XPR1: variants seen among roughly 807,000 people sequenced by gnomAD.
XPR1 encodes solute carrier family 53 member 1.
In XPR1, 28 loss-of-function variants were observed where a neutral mutation model predicts 87.5. The ratio of observed to expected loss-of-function variants is 0.32; its 90% CI spans 0.24 to 0.44. The LOEUF is 0.44. Among genes scored for constraint, XPR1 ranks in the 20% least tolerant of loss-of-function variants. The pLI, the probability that XPR1 is intolerant of heterozygous loss-of-function variation, is 1.00. For synonymous variants in XPR1, 300 were observed against 306.1 expected (o/e 0.98, Z 0.21); for missense variants, 559 against 862.3 (o/e 0.65, Z 4.41).
At chr1:180,776,442 G>C (rs766730668) in intron 2 of XPR1, among the ~76,000 whole-genome samples, 21 of 151,584 alleles carry the variant, frequency 1.4e-4, no homozygotes, top group Admixed American at 2.6e-4. Flanking sequence ...CAATTGGATT[G>C]TATAATGGAA....
intron 2 of XPR1, among the ~76,000 whole-genome samples, chr1:180,745,647 A>G (rs1659067446): frequency 6.6e-6 from 1 of 152,072 alleles, no homozygotes; most frequent in African/African-American, 2.4e-5. Context: ...TCTCCTCAAG[A>G]CAGATTTAGA....
At chr1:180,736,407 A>G (rs1458718407) in intron 2 of XPR1, among the ~76,000 whole-genome samples, 2 of 152,226 alleles carry the variant, frequency 1.3e-5, no homozygotes, top group Non-Finnish European at 2.9e-5. Flanking sequence ...AAACCTTCAT[A>G]GATGCACATT....
chr1:180,788,560 T>C (rs2944263), intron 3 of XPR1, among the ~76,000 whole-genome samples: 151,545 of 152,246 alleles, frequency 1, 75,434 homozygotes, highest in Middle Eastern at 1. Context: ...ACTCTGGAAA[T>C]GTTACACATA....
At chr1:180,697,013 G>A (rs1190209819) in intron 2 of XPR1, among the ~76,000 whole-genome samples, 1 of 152,024 alleles carries the variant, frequency 6.6e-6, no homozygotes. Context: ...GTTAGGAAGA[G>A]TTTTCTCCTC....
At chr1:180,754,023 C>T (rs902609882) in intron 2 of XPR1, among the ~76,000 whole-genome samples, 1 of 152,190 alleles carries the variant, frequency 6.6e-6, no homozygotes, top group African/African-American at 2.4e-5. Context: ...GGTCAAATGC[C>T]ACCTTCTCCA....
intron 2 of XPR1, among the ~76,000 whole-genome samples, chr1:180,707,334 C>G (rs1479438895): frequency 1.3e-5 from 2 of 152,226 alleles, no homozygotes; most frequent in Non-Finnish European, 2.9e-5. Flanking sequence ...GATCCTCTCC[C>G]TCCTACCCTC....
At chr1:180,638,064 T>C (rs1180393776) in intron 1 of XPR1, among the ~76,000 whole-genome samples, 6 of 152,196 alleles carry the variant, frequency 3.9e-5, no homozygotes, top group African/African-American at 1.2e-4. Context: ...GTTTTATTTA[T>C]TTAAAAAACT....
At chr1:180,657,395 GT>G (rs939283238) in intron 1 of XPR1, among the ~76,000 whole-genome samples, 4 of 152,082 alleles carry the variant, frequency 2.6e-5, no homozygotes, top group African/African-American at 9.7e-5. Flanking sequence ...TTTCCTCAGT[GT>G]TTTCTTTTAG....
At chr1:180,773,968 G>A (rs1313523832) in intron 2 of XPR1, among the ~76,000 whole-genome samples, 1 of 152,006 alleles carries the variant, frequency 6.6e-6, no homozygotes, top group East Asian at 1.9e-4. Flanking sequence ...TTTAAAAATT[G>A]CATTTTCATA....
intron 1 of XPR1, among the ~76,000 whole-genome samples, chr1:180,667,254 T>C (rs1655995375): frequency 6.6e-6 from 1 of 152,228 alleles, no homozygotes; most frequent in African/African-American, 2.4e-5. Flanking sequence ...TTTTCAGATA[T>C]GGCTTTATTA....
intron 1 of XPR1, among the ~76,000 whole-genome samples, chr1:180,670,965 G>A (rs1186615130): frequency 6.6e-6 from 1 of 152,174 alleles, no homozygotes; most frequent in East Asian, 1.9e-4. Context: ...TTACAAGATG[G>A]ATTAAAAGAT....
chr1:180,830,642 A>G (rs1044557919), intron 9 of XPR1, among the ~76,000 whole-genome samples: 1 of 152,198 alleles, frequency 6.6e-6, no homozygotes, highest in Non-Finnish European at 1.5e-5. Flanking sequence ...CAAAACTTCT[A>G]CTTACTCAGA....
At chr1:180,831,007 A>G (rs1032895736) in intron 9 of XPR1, among the ~76,000 whole-genome samples, 5 of 152,236 alleles carry the variant, frequency 3.3e-5, no homozygotes, top group African/African-American at 4.8e-5. Flanking sequence ...TTACTGCCCA[A>G]TACATTTAAT....
intron 2 of XPR1, among the ~76,000 whole-genome samples, chr1:180,745,479 C>A (rs1166424950): frequency 6.6e-6 from 1 of 152,202 alleles, no homozygotes; most frequent in African/African-American, 2.4e-5. Context: ...AAGAAAGTTT[C>A]TCTTCCTCAG....
At chr1:180,769,306 A>G (rs561374052) in intron 2 of XPR1, among the ~76,000 whole-genome samples, 9 of 151,752 alleles carry the variant, frequency 5.9e-5, no homozygotes, top group Admixed American at 4.6e-4. Context: ...TTAAATTATT[A>G]TTGACTATAG....
chr1:180,658,517 A>G (rs1410742754), intron 1 of XPR1, among the ~76,000 whole-genome samples: 2 of 151,506 alleles, frequency 1.3e-5, no homozygotes, highest in Admixed American at 6.6e-5. Flanking sequence ...AATTTTATCA[A>G]ATGCTTCTTC....
chr1:180,682,383 A>T lies in XPR1; in HGVS notation c.93A>T (p.Ser31=), dbSNP rs1656606781. The change falls in exon 2 of 15, where the codon TCA becomes TCT. Residue 31 remains serine (S), a synonymous_variant. Coordinates refer to ENST00000367590, the MANE Select transcript of XPR1 (RefSeq NM_004736.4). ...AGGCTTTCAAGGATATGCTGTATTC[A>T]GCTCAGGACCAGGCACCTTCTGTGG... is the stretch of plus-strand genomic sequence containing the variant. The part of the protein sequence containing the change: ...QYEAFKDMLY[S]AQDQAPSVEV... 4 of 1,603,628 alleles carry T rather than the reference A, an allele frequency of 2.5e-6. No homozygotes were observed. The East Asian group carries it at 9.0e-5, about 36-fold the overall frequency.
At chr1:180,771,429 G>A (rs1005147933) in intron 2 of XPR1, among the ~76,000 whole-genome samples, 9 of 152,100 alleles carry the variant, frequency 5.9e-5, no homozygotes, top group Non-Finnish European at 7.4e-5. Context: ...ATGTTAAAAC[G>A]TACTCAATCG....
At chr1:180,734,328 A>G (rs561601292) in intron 2 of XPR1, among the ~76,000 whole-genome samples, 2 of 152,324 alleles carry the variant, frequency 1.3e-5, no homozygotes, top group East Asian at 3.9e-4. Flanking sequence ...CTCTCTGACC[A>G]ACTAAAATTA....
Sources: allele counts gnomAD v4.1 joint callset (sites outside exome capture counted in the v4.1 genomes callset), GRCh38; gene constraint gnomAD v4.1.1; transcripts MANE v1.5; gene names NCBI Gene and HGNC (gene_info 2026-07-23, HGNC 2026-07-21).